ULK2: variants seen among roughly 807,000 people sequenced by gnomAD.
ULK2 encodes serine/threonine-protein kinase ULK2.
ULK2 carries 76 observed loss-of-function variants against 127.5 expected under a neutral mutation model. The ratio of observed to expected loss-of-function variants is 0.60; its 90% CI spans 0.50 to 0.72. The LOEUF is 0.72. Ranked by LOEUF, ULK2 falls within the 30% of genes least tolerant of loss-of-function variation. The probability of loss-of-function intolerance (pLI) is 0.00; values close to 1 mark genes in which losing one functional copy is unlikely to be tolerated. For synonymous variants in ULK2, 452 were observed against 461.9 expected, an observed-to-expected ratio of 0.98 and a Z score of 0.28; for missense variants, 1,144 against 1,295.9, an observed-to-expected ratio of 0.88 and a Z score of 1.80.
intron 2 of ULK2, among the ~76,000 whole-genome samples, chr17:19,865,308 T>C (rs1336677991): frequency 6.6e-6 from 1 of 152,164 alleles, no homozygotes; most frequent in Admixed American, 6.6e-5. Flanking sequence ...TAGATAACAC[T>C]GGTTGTGAGT....
Position 19,786,938 on chromosome 17 carries a change from T to C in ULK2, c.2102-852A>G, listed in dbSNP as rs190061019. ...TAACTGATTTTAAAAAGCAACTGTATAAAACATGTATACAGTTGCACTGTC... is the reference window on the plus strand; with the variant it reads ...TAACTGATTTTAAAAAGCAACTGTACAAAACATGTATACAGTTGCACTGTC... On this transcript the variant is annotated intron_variant, in intron 20 of 26. Transcript: ENST00000395544. 5.0e-3 allele frequency among the ~76,000 whole-genome samples: 765 copies of C among 151,846 alleles called. 5 individuals are homozygous for C. The highest frequency in any genetic ancestry group is 7.8e-3 in the Non-Finnish European group (530 of 67,954).
At chr17:19,811,738 G>GTTTCTTTGAA (rs2087645995) in intron 13 of ULK2, among the ~76,000 whole-genome samples, 1 of 151,974 alleles carries the variant, frequency 6.6e-6, no homozygotes, top group Non-Finnish European at 1.5e-5. Context: ...CACTGAACCT[G>GTTTCTTTGAA]GCCTCAAGTT....
chr17:19,790,972 T>C (rs1311239226), intron 20 of ULK2, among the ~76,000 whole-genome samples: 1 of 151,778 alleles, frequency 6.6e-6, no homozygotes, highest in South Asian at 2.1e-4. Context: ...ACTGTAGATA[T>C]ATACGCACCC....
chr17:19,841,563 AG>A lies in ULK2; in HGVS notation c.646-17del, dbSNP rs1207203370. ...GACTATTGGCCTATTAAAAAAAAAAAGGTTTAATTTCCTAAACAATGGGGGC... is the reference window on the plus strand; with the variant it reads ...GACTATTGGCCTATTAAAAAAAAAAAGTTTAATTTCCTAAACAATGGGGGC... On this transcript the variant is annotated splice_polypyrimidine_tract_variant and intron_variant, in intron 8 of 26. Transcript: ENST00000395544. 2.6e-6 allele frequency: 4 copies of A among 1,545,972 alleles called. No homozygotes were observed. The highest frequency in any genetic ancestry group is 1.2e-5 in the South Asian group (1 of 82,112).
At position 19,771,032 on chromosome 17, in the gene ULK2, A is replaced by T. The variant is rs1472356932; in HGVS notation, c.*5317T>A. 1 of 152,204 alleles carries T rather than the reference A, an allele frequency of 6.6e-6. No individual in the cohort carries two copies. The highest frequency in any genetic ancestry group is 1.9e-4 in the East Asian group (1 of 5,170). The allele number at this position is 152,204 out of a possible 1,614,324, so 9.4% of individuals were successfully genotyped here. On this transcript the variant is annotated 3_prime_UTR_variant, in exon 27 of 27. Coordinates refer to ENST00000395544, the MANE Select transcript of ULK2 (RefSeq NM_014683.4). ...TGGGTCCAGCAGGAGACATTGGAGC[A>T]CCAAATGGAAAAGCTCTTCCTTCCT...
intron 3 of ULK2, among the ~76,000 whole-genome samples, chr17:19,860,308 T>G (rs1356260988): frequency 1.3e-5 from 2 of 152,162 alleles, no homozygotes; most frequent in African/African-American, 4.8e-5. Flanking sequence ...AAGCTGATTT[T>G]TACAATAGCA....
chr17:19,823,487 C>T, intron 12 of ULK2, among the ~76,000 whole-genome samples: 1 of 152,184 alleles, frequency 6.6e-6, no homozygotes, highest in East Asian at 1.9e-4. Context: ...TATGTTTGCT[C>T]TCCCAAAATT....
At chr17:19,795,802 A>T (rs2087256417) in intron 19 of ULK2, 77 bp from the exon 20 acceptor site, 1 of 1,359,044 alleles carries the variant, frequency 7.4e-7, no homozygotes, top group Admixed American at 1.8e-5. Context: ...GAAGTTAGAG[A>T]ATGAGGAAAC....
chr17:19,830,673 T>C (rs1597782948), intron 10 of ULK2, among the ~76,000 whole-genome samples: 1 of 141,940 alleles, frequency 7.0e-6, no homozygotes, highest in South Asian at 2.2e-4. Flanking sequence ...AACGGGAAAA[T>C]CCACAATATG....
intron 20 of ULK2, among the ~76,000 whole-genome samples, chr17:19,787,075 T>C (rs2087049756): frequency 6.6e-6 from 1 of 151,812 alleles, no homozygotes; most frequent in African/African-American, 2.4e-5. Flanking sequence ...CTCAGCTCAC[T>C]GCAACCTCTG....
At position 19,786,082 on chromosome 17, in the gene ULK2, C is replaced by T. The variant is rs753249573; in HGVS notation, c.2106G>A (p.Pro702=). Residue 702 remains proline (P), a synonymous_variant, in exon 21 of 27, where the codon CCG becomes CCA. Transcript: ENST00000395544. ...CCAGAACACCACCACAGGCTCCTGC[C>T]GGAGCTACAACAAAAAGTTTATAGA... ...LNTERPMDIA[P]AGACGGVLAP... 5.1e-6 allele frequency: 8 copies of T among 1,558,648 alleles called. No individual in the cohort carries two copies. The highest frequency in any genetic ancestry group is 4.9e-5 in the South Asian group (4 of 82,178).
chr17:19,828,690 A>T (rs2041355860), intron 10 of ULK2, among the ~76,000 whole-genome samples: 1 of 152,240 alleles, frequency 6.6e-6, no homozygotes. Context: ...AAGACATAAA[A>T]ATAGTAAAAT....
intron 16 of ULK2, among the ~76,000 whole-genome samples, chr17:19,800,827 G>T (rs930793462): frequency 6.6e-6 from 1 of 152,110 alleles, no homozygotes; most frequent in Non-Finnish European, 1.5e-5. Context: ...CCTCAGTGCT[G>T]CCTCTCATAC....
At position 19,849,757 on chromosome 17, in the gene ULK2, G is replaced by C. The variant is rs375894149; in HGVS notation, c.243C>G (p.Val81=). The change falls in exon 4 of 27, where the codon GTC becomes GTG. Residue 81 remains valine (V), a synonymous_variant. Coordinates refer to ENST00000395544, the MANE Select transcript of ULK2 (RefSeq NM_014683.4). ...TACTACCTACCTCCATCACCAAAAA[G>C]ACAGAGTTGGGTAATTCCTGAAAAG... ...LYDVQELPNS[V]FLVMEYCNGG... 7 of 1,535,146 alleles carry C rather than the reference G, an allele frequency of 4.6e-6. No homozygotes were observed. The African/African-American group carries it at 5.7e-5, about 12-fold the overall frequency.
intron 23 of ULK2, 115 bp from the exon 24 acceptor site, chr17:19,781,219 T>C: frequency 1.4e-6 from 1 of 711,072 alleles, no homozygotes; most frequent in Non-Finnish European, 2.3e-6. Context: ...GCATCCTCTT[T>C]GATTTCTTTT....
At chr17:19,822,538 T>C (rs1370182540) in intron 12 of ULK2, among the ~76,000 whole-genome samples, 1 of 151,358 alleles carries the variant, frequency 6.6e-6, no homozygotes, top group Admixed American at 6.6e-5. Flanking sequence ...ATTTTTGTTA[T>C]TTGAAAAAAC....
chr17:19,785,361 G>A (rs1252115248), intron 21 of ULK2, among the ~76,000 whole-genome samples: 1 of 151,834 alleles, frequency 6.6e-6, no homozygotes, highest in Admixed American at 6.6e-5. Context: ...ACAGGTACCT[G>A]CCACCACACC....
intron 23 of ULK2, 98 bp downstream of exon 23, chr17:19,781,791 T>C: frequency 7.5e-7 from 1 of 1,330,572 alleles, no homozygotes; most frequent in Non-Finnish European, 1.0e-6. Flanking sequence ...CTTTTAATAA[T>C]GAGATATGAT....
At chr17:19,795,514 G>A (rs2152385106) in intron 20 of ULK2, 108 bp downstream of exon 20, 1 of 915,942 alleles carries the variant, frequency 1.1e-6, no homozygotes, top group East Asian at 2.4e-5. Flanking sequence ...TAATACATTT[G>A]TGTTGTTTTA....
Sources: gnomAD v4.1 joint callset for allele counts (sites outside exome capture counted in the v4.1 genomes callset) on GRCh38, gnomAD v4.1.1 for gene constraint, MANE v1.5 for transcripts, NCBI Gene and HGNC (gene_info 2026-07-23, HGNC 2026-07-21) for gene names.